The following ADAM18 variants were observed in gnomAD, a reference collection of about 807,000 sequenced individuals.
The protein encoded by ADAM18 is disintegrin and metalloproteinase domain-containing protein 18.
In ADAM18, 117 loss-of-function variants were observed where a neutral mutation model predicts 94.4. The observed-to-expected ratio is 1.24, with a 90% CI of 1.07 to 1.45. The LOEUF (loss-of-function observed/expected upper bound fraction) is 1.45, where lower values mean the gene tolerates loss of function less well. Ranked by LOEUF, ADAM18 falls within the 40% of genes most tolerant of loss-of-function variation. The pLI is 0.00. For synonymous variants in ADAM18, 327 were observed against 291.6 expected, an observed-to-expected ratio of 1.12 and a Z score of -1.24; for missense variants, 936 against 880.0, an observed-to-expected ratio of 1.06 and a Z score of -0.81.
chr8:39,586,433 T>C (rs140095620), intron 2 of ADAM18, among the ~76,000 whole-genome samples: 36 of 152,350 alleles, frequency 2.4e-4, no homozygotes, highest in African/African-American at 7.5e-4. Flanking sequence ...CTGCTTTCTG[T>C]TGAAGAATTA....
At chr8:39,634,323 G>A (rs888662964) in intron 7 of ADAM18, among the ~76,000 whole-genome samples, 3 of 152,122 alleles carry the variant, frequency 2.0e-5, no homozygotes, top group Non-Finnish European at 4.4e-5. Flanking sequence ...GCCTCAGAGA[G>A]ACCCCACTAA....
intron 7 of ADAM18, among the ~76,000 whole-genome samples, chr8:39,637,017 TTTTATATATA>T (rs1327939896): frequency 8.1e-4 from 69 of 84,766 alleles, no homozygotes; most frequent in African/African-American, 2.2e-3. Flanking sequence ...CATGTGTGTA[TTTTATATATA>T]TATATATATA....
In ADAM18 at chr8:39,668,004, A is replaced by G; in HGVS notation, c.1333A>G (p.Ile445Val). 1 of 1,613,910 alleles carries G rather than the reference A, an allele frequency of 6.2e-7. No individual in the cohort carries two copies. The highest frequency in any genetic ancestry group is 8.5e-7 in the Non-Finnish European group (1 of 1,179,870). Residue 445 changes from isoleucine to valine, a missense_variant, in exon 14 of 20, where the codon ATA becomes GTA. Ile to Val is a conservative substitution (Grantham distance 29, BLOSUM62 3). Coordinates refer to ENST00000265707, the MANE Select transcript of ADAM18 (RefSeq NM_014237.3). Reference protein sequence around the residue: ...PCCTSKCELSIAGTPCRKSID... With the variant: ...PCCTSKCELSVAGTPCRKSID... ...TTTTTCCTTTTCCTCCCAGTTGTCAATAGCAGGCACTCCATGTAGAAAGAG... is the reference window on the plus strand; with the variant it reads ...TTTTTCCTTTTCCTCCCAGTTGTCAGTAGCAGGCACTCCATGTAGAAAGAG...
At chr8:39,653,312 A>T (rs186119186) in intron 12 of ADAM18, among the ~76,000 whole-genome samples, 1,687 of 152,046 alleles carry the variant, frequency 0.011, 26 homozygotes, top group African/African-American at 0.037. Flanking sequence ...ATGTATTTTT[A>T]AAAAAAACAA....
chr8:39,638,433 A>G, intron 9 of ADAM18, 32 bp from the exon 10 acceptor site: 7 of 1,422,218 alleles, frequency 4.9e-6, no homozygotes, highest in Non-Finnish European at 6.7e-6. Context: ...TGTTTTGCAT[A>G]ACTACGTTAA....
At position 39,667,875 on chromosome 8, in the gene ADAM18, T is replaced by C. The variant is rs146480763; in HGVS notation, c.1327-123T>C. The C allele has an allele frequency of 4.0e-4, 384 of 971,580 alleles. 1 individual carries two copies. The African/African-American group carries it at 5.9e-3, about 15-fold the overall frequency. 60.2% of individuals were successfully genotyped at this position (971,580 alleles called of 1,614,324 possible). A position where few individuals can be genotyped will look rare whatever the true frequency, so the allele number is the denominator to read the frequency against. ...ATTTTTTTTGGCAAACTCACGGACT[T>C]GGGAACTCTGGTGTTCCCTCAAATA... On this transcript the variant is annotated intron_variant, in intron 13 of 19. Transcript: ENST00000265707.
At chr8:39,696,951 T>G (rs1395631104) in intron 17 of ADAM18, among the ~76,000 whole-genome samples, 1 of 151,594 alleles carries the variant, frequency 6.6e-6, no homozygotes, top group African/African-American at 2.4e-5. Flanking sequence ...GTAGATTGGC[T>G]TGGGTAGTAT....
chr8:39,706,251 G>A (rs538239589), intron 17 of ADAM18, among the ~76,000 whole-genome samples: 34 of 152,028 alleles, frequency 2.2e-4, no homozygotes, highest in Non-Finnish European at 2.4e-4. Context: ...TGCTTTGCAC[G>A]TATGTTATTT....
chr8:39,673,527 C>T (rs981195447), intron 14 of ADAM18, among the ~76,000 whole-genome samples: 1 of 151,162 alleles, frequency 6.6e-6, no homozygotes, highest in Non-Finnish European at 1.5e-5. Context: ...TCCAAGTTAT[C>T]TCATTGTTCA....
At chr8:39,645,018 T>C (rs1820339752) in intron 10 of ADAM18, among the ~76,000 whole-genome samples, 1 of 152,198 alleles carries the variant, frequency 6.6e-6, no homozygotes, top group African/African-American at 2.4e-5. Context: ...TGAATTGATA[T>C]CTATTCATTG....
At chr8:39,663,056 C>T (rs753000546) in intron 12 of ADAM18, among the ~76,000 whole-genome samples, 3 of 152,072 alleles carry the variant, frequency 2.0e-5, no homozygotes, top group Non-Finnish European at 2.9e-5. Context: ...TACTTACTGC[C>T]TCACTCTAAC....
intron 15 of ADAM18, among the ~76,000 whole-genome samples, chr8:39,679,700 G>C (rs1365587575): frequency 6.6e-6 from 1 of 152,132 alleles, no homozygotes; most frequent in East Asian, 1.9e-4. Context: ...TAAGTGACCA[G>C]GCTGGCCAAG....
At chr8:39,709,576 T>TC (rs1353360843) in intron 18 of ADAM18, among the ~76,000 whole-genome samples, 16 of 152,200 alleles carry the variant, frequency 1.1e-4, no homozygotes, top group Admixed American at 9.2e-4. Context: ...TCTGTCAATA[T>TC]CATAGGCTAC....
At chr8:39,614,017 G>A (rs1168341290) in intron 6 of ADAM18, among the ~76,000 whole-genome samples, 1 of 152,166 alleles carries the variant, frequency 6.6e-6, no homozygotes, top group Admixed American at 6.5e-5. Flanking sequence ...CTGAAATGGA[G>A]TGAAAGAGAG....
At chr8:39,587,031 T>C (rs1003838484) in intron 2 of ADAM18, among the ~76,000 whole-genome samples, 6 of 152,214 alleles carry the variant, frequency 3.9e-5, no homozygotes, top group Non-Finnish European at 5.9e-5. Flanking sequence ...TATTTTATTG[T>C]ATAGGGTATT....
chr8:39,670,590 G>A (rs1231862319), intron 14 of ADAM18, among the ~76,000 whole-genome samples: 1 of 152,146 alleles, frequency 6.6e-6, no homozygotes, highest in Non-Finnish European at 1.5e-5. Context: ...TAAATGCAAA[G>A]AGCCTGCAAT....
chr8:39,587,422 T>C (rs1818437141), intron 2 of ADAM18, among the ~76,000 whole-genome samples: 1 of 152,188 alleles, frequency 6.6e-6, no homozygotes, highest in Non-Finnish European at 1.5e-5. Context: ...TTCTATTCTC[T>C]GCTTTTATGA....
At chr8:39,652,893 C>T (rs147871363) in intron 12 of ADAM18, among the ~76,000 whole-genome samples, 8 of 151,996 alleles carry the variant, frequency 5.3e-5, no homozygotes, top group Non-Finnish European at 1.2e-4. Flanking sequence ...CATGGATGAA[C>T]CTGGAGGACA....
intron 18 of ADAM18, among the ~76,000 whole-genome samples, chr8:39,713,112 A>T (rs1007569467): frequency 6.6e-6 from 1 of 152,168 alleles, no homozygotes; most frequent in Admixed American, 6.5e-5. Context: ...ATGGAACACA[A>T]CAGAAACTTC....
Sources: gnomAD v4.1 joint callset for allele counts (sites outside exome capture counted in the v4.1 genomes callset) on GRCh38, gnomAD v4.1.1 for gene constraint, MANE v1.5 for transcripts, NCBI Gene and HGNC (gene_info 2026-07-23, HGNC 2026-07-21) for gene names.